DNM3: variants seen among roughly 807,000 people sequenced by gnomAD.
DNM3 encodes the protein dynamin-3.
DNM3 carries 47 observed loss-of-function variants against 101.6 expected under a neutral mutation model. The observed-to-expected ratio is 0.46, with a 90% CI of 0.37 to 0.59. The LOEUF (loss-of-function observed/expected upper bound fraction) is 0.59. Ranked by LOEUF, DNM3 falls within the 20% of genes least tolerant of loss-of-function variation. The pLI, the probability that DNM3 is intolerant of heterozygous loss-of-function variation, is 0.00. For synonymous variants in DNM3, 385 were observed against 387.9 expected (o/e 0.99, Z 0.09); for missense variants, 849 against 1,085.7 (o/e 0.78, Z 3.06).
intron 2 of DNM3, among the ~76,000 whole-genome samples, chr1:171,977,434 GCAAGGGAAGAGACA>G (rs796611091): frequency 1.8e-4 from 27 of 152,244 alleles, no homozygotes; most frequent in African/African-American, 6.3e-4. Context: ...AAACTTGATA[GCAAGGGAAGAGACA>G]CAAGGGGAGA....
intron 2 of DNM3, among the ~76,000 whole-genome samples, chr1:171,976,453 C>T (rs947292690): frequency 1.3e-5 from 2 of 152,192 alleles, no homozygotes; most frequent in Non-Finnish European, 2.9e-5. Flanking sequence ...CAGGGGAACT[C>T]CCTTTTATAA....
At chr1:171,888,306 A>C (rs1165297445) in intron 1 of DNM3, among the ~76,000 whole-genome samples, 2 of 152,192 alleles carry the variant, frequency 1.3e-5, no homozygotes, top group Non-Finnish European at 2.9e-5. Context: ...AGGTCAAATG[A>C]AATTCATTCT....
chr1:172,191,424 T>C (rs532998483), intron 14 of DNM3, among the ~76,000 whole-genome samples: 2 of 152,308 alleles, frequency 1.3e-5, no homozygotes, highest in African/African-American at 4.8e-5. Context: ...TGTAGCCTTG[T>C]AGTATAGTTT....
chr1:171,898,345 A>G (rs2037995259), intron 1 of DNM3, among the ~76,000 whole-genome samples: 1 of 152,158 alleles, frequency 6.6e-6, no homozygotes, highest in South Asian at 2.1e-4. Context: ...TTGCTGACCT[A>G]GTGATTCTAC....
chr1:172,125,424 T>C (rs2056567819), intron 13 of DNM3, among the ~76,000 whole-genome samples: 1 of 152,186 alleles, frequency 6.6e-6, no homozygotes, highest in Non-Finnish European at 1.5e-5. Flanking sequence ...GGGTCTGAAC[T>C]TACCCGTAAC....
intron 2 of DNM3, among the ~76,000 whole-genome samples, chr1:171,970,729 A>G (rs2043931441): frequency 1.3e-5 from 2 of 152,150 alleles, no homozygotes; most frequent in South Asian, 4.1e-4. Flanking sequence ...AATATTGTAT[A>G]TATGATGTTG....
At chr1:171,992,216 A>G (rs972382336) in intron 4 of DNM3, among the ~76,000 whole-genome samples, 4 of 152,206 alleles carry the variant, frequency 2.6e-5, no homozygotes, top group Non-Finnish European at 5.9e-5. Flanking sequence ...GCACATAGGG[A>G]ATATTAATGG....
intron 1 of DNM3, among the ~76,000 whole-genome samples, chr1:171,872,133 A>G (rs559651958): frequency 6.6e-6 from 1 of 152,272 alleles, no homozygotes; most frequent in African/African-American, 2.4e-5. Flanking sequence ...AGATCAGGGA[A>G]AATGACAGAG....
intron 2 of DNM3, among the ~76,000 whole-genome samples, chr1:171,931,988 C>T (rs2041044989): frequency 7.5e-6 from 1 of 133,746 alleles, no homozygotes; most frequent in Middle Eastern, 3.6e-3. Context: ...CCTTCCCTCC[C>T]TCCCTCCCTT....
At chr1:172,126,954 G>T (rs866711112) in intron 13 of DNM3, among the ~76,000 whole-genome samples, 49 of 152,114 alleles carry the variant, frequency 3.2e-4, no homozygotes, top group African/African-American at 1.1e-3. Context: ...TCTACATCAC[G>T]TGTGCAAAGT....
intron 9 of DNM3, among the ~76,000 whole-genome samples, chr1:172,046,598 A>G (rs1320629140): frequency 6.6e-6 from 1 of 151,970 alleles, no homozygotes; most frequent in East Asian, 1.9e-4. Context: ...AAAAATTTAG[A>G]CAATCTGCTC....
intron 15 of DNM3, among the ~76,000 whole-genome samples, chr1:172,263,868 G>A (rs967661797): frequency 3.5e-4 from 54 of 152,182 alleles, no homozygotes; most frequent in Non-Finnish European, 6.9e-4. Flanking sequence ...TAGTGTGAGT[G>A]TCATACATTT....
intron 17 of DNM3, among the ~76,000 whole-genome samples, chr1:172,359,219 T>C (rs985190847): frequency 6.6e-6 from 1 of 151,914 alleles, no homozygotes; most frequent in East Asian, 1.9e-4. Flanking sequence ...CTGCTGGCTG[T>C]TGTTTTTGGC....
At chr1:171,990,653 G>A (rs2045571924) in intron 4 of DNM3, among the ~76,000 whole-genome samples, 1 of 152,158 alleles carries the variant, frequency 6.6e-6, no homozygotes, top group South Asian at 2.1e-4. Flanking sequence ...TGAGGTTGAG[G>A]AAGGGTAGCT....
intron 2 of DNM3, among the ~76,000 whole-genome samples, chr1:171,953,655 C>T (rs1205317216): frequency 6.6e-6 from 1 of 152,050 alleles, no homozygotes; most frequent in Non-Finnish European, 1.5e-5. Flanking sequence ...TCTCGAACTT[C>T]TGACCTCAGG....
At chr1:171,908,268 A>C (rs2038991072) in intron 1 of DNM3, among the ~76,000 whole-genome samples, 1 of 152,174 alleles carries the variant, frequency 6.6e-6, no homozygotes, top group Non-Finnish European at 1.5e-5. Flanking sequence ...CTTCTTGAAA[A>C]CATACACTGC....
At chr1:172,327,060 A>T (rs377213923) in intron 17 of DNM3, among the ~76,000 whole-genome samples, 3 of 152,324 alleles carry the variant, frequency 2.0e-5, no homozygotes, top group African/African-American at 7.2e-5. Context: ...ACAGAATTTT[A>T]AAATTGCTAA....
At chr1:172,139,990 TAAAAAACACAGCACCA>T (rs1230688796) in intron 14 of DNM3, 1 of 151,952 alleles carries the variant, frequency 6.6e-6, no homozygotes, top group Non-Finnish European at 1.5e-5. Flanking sequence ...TAGGACTTCT[TAAAAAACACAGCACCA>T]AAAAAACACA....
chr1:172,023,956 A>G lies in DNM3; in HGVS notation c.590-8446A>G, dbSNP rs12046175. Among the ~76,000 whole-genome samples, 319 of 135,830 alleles carry G rather than the reference A, an allele frequency of 2.3e-3. 2 individuals carry two copies. Among genetic ancestry groups the G allele is most frequent in the East Asian group, 0.017 (78 of 4,628 alleles). 89.1% of individuals were successfully genotyped at this position (135,830 alleles called of 152,430 possible). On this transcript the variant is annotated intron_variant, in intron 4 of 20. Coordinates refer to ENST00000627582, the MANE Select transcript of DNM3 (RefSeq NM_015569.5). ...CTAACATTTTAATTTCTGCTCTCCT[A>G]TTTTCAGTTATTGAGATTTTTTGCC...
Sources: gnomAD v4.1 joint callset for allele counts (sites outside exome capture counted in the v4.1 genomes callset) on GRCh38, gnomAD v4.1.1 for gene constraint, MANE v1.5 for transcripts, NCBI Gene and HGNC (gene_info 2026-07-23, HGNC 2026-07-21) for gene names.